The following TRHDE variants were observed in gnomAD, a reference collection of about 807,000 sequenced individuals.
TRHDE encodes the protein thyrotropin releasing hormone degrading enzyme.
TRHDE carries 72 observed loss-of-function variants against 125.7 expected under a neutral mutation model. The observed-to-expected ratio is 0.57, with a 90% CI of 0.47 to 0.70. The LOEUF is 0.70. TRHDE is among the 30% of genes least tolerant of loss of function. The probability of loss-of-function intolerance (pLI) is 0.00; values close to 1 mark genes in which losing one functional copy is unlikely to be tolerated. For synonymous variants in TRHDE, 509 were observed against 509.1 expected (o/e 1.00, Z 0.00); for missense variants, 1,110 against 1,327.1 (o/e 0.84, Z 2.54).
intron 15 of TRHDE, among the ~76,000 whole-genome samples, chr12:72,625,767 G>A (rs1033583998): frequency 2.0e-5 from 3 of 151,820 alleles, no homozygotes. Context: ...TGGTAGAGCT[G>A]GACTTCTTTA....
intron 2 of TRHDE, among the ~76,000 whole-genome samples, chr12:72,370,135 A>G (rs1400882867): frequency 2.0e-5 from 3 of 152,114 alleles, no homozygotes; most frequent in Non-Finnish European, 4.4e-5. Flanking sequence ...AGGTCACTGG[A>G]GTGAGATACT....
chr12:72,205,396 T>C (rs928109726), intron 2 of TRHDE, among the ~76,000 whole-genome samples: 1 of 152,166 alleles, frequency 6.6e-6, no homozygotes, highest in Non-Finnish European at 1.5e-5. Flanking sequence ...ACTTATTCTT[T>C]TAAAGTTTTT....
chr12:72,601,632 G>A (rs1259967778), intron 12 of TRHDE, among the ~76,000 whole-genome samples: 1 of 152,060 alleles, frequency 6.6e-6, no homozygotes, highest in African/African-American at 2.4e-5. Flanking sequence ...AATTGTCACA[G>A]GCATACCAAC....
chr12:72,300,996 C>T lies in TRHDE; in HGVS notation c.1188+14042C>T, dbSNP rs376465125. Among the ~76,000 whole-genome samples the T allele has an allele frequency of 5.9e-5, 9 of 152,270 alleles. No individual in the cohort carries two copies. The East Asian group carries it at 7.7e-4, about 13-fold the overall frequency. ...CTCTCTTACTTTCACCCACTCTTCT[C>T]TGCTGAATTCCAGGTTCAGGGGGAG... On this transcript the variant is annotated intron_variant, in intron 2 of 18. Transcript: ENST00000261180.
intron 1 of TRHDE, among the ~76,000 whole-genome samples, chr12:72,094,265 C>T (rs1007587208): frequency 6.6e-6 from 1 of 152,130 alleles, no homozygotes; most frequent in Non-Finnish European, 1.5e-5. Flanking sequence ...GTCACTGGGT[C>T]ACTAGGTGAG....
intron 2 of TRHDE, among the ~76,000 whole-genome samples, chr12:72,165,520 C>T (rs1242911214): frequency 6.6e-6 from 1 of 151,912 alleles, no homozygotes; most frequent in African/African-American, 2.4e-5. Flanking sequence ...CCAATGTCTA[C>T]CTCAGAGTAT....
chr12:72,620,364 A>G (rs2136077942), intron 13 of TRHDE, among the ~76,000 whole-genome samples: 1 of 150,620 alleles, frequency 6.6e-6, no homozygotes, highest in South Asian at 2.1e-4. Context: ...AAAAAAAAGA[A>G]ATACAAAAAT....
intron 18 of TRHDE, 120 bp downstream of exon 18, chr12:72,657,128 C>CCACA (rs3217400): frequency 3.3e-4 from 205 of 620,592 alleles, no homozygotes; most frequent in African/African-American, 1.5e-3. Context: ...CACACGCACA[C>CCACA]CACACACACA....
chr12:72,260,341 C>T (rs1878920753), intron 2 of TRHDE, among the ~76,000 whole-genome samples: 1 of 137,888 alleles, frequency 7.3e-6, no homozygotes, highest in Non-Finnish European at 1.5e-5. Flanking sequence ...ATTACTTATT[C>T]AGGAAAAATG....
chr12:72,163,795 G>A (rs1463525158), intron 2 of TRHDE, among the ~76,000 whole-genome samples: 1 of 152,156 alleles, frequency 6.6e-6, no homozygotes, highest in Non-Finnish European at 1.5e-5. Context: ...TAGTTTAATT[G>A]TCCTACAACT....
Position 72,592,037 on chromosome 12 carries a change from A to T in TRHDE, c.2321+16495A>T, listed in dbSNP as rs1007056036. 2.6e-5 allele frequency among the ~76,000 whole-genome samples: 4 copies of T among 151,892 alleles called. No homozygotes were observed. The East Asian group carries it at 7.7e-4, about 29-fold the overall frequency. ...TGCAAATTTTTTTCATTAAATTTGA[A>T]AAAAAAAGCTTGGCTTTTAATTGGT... On this transcript the variant is annotated intron_variant, in intron 12 of 18. Coordinates refer to ENST00000261180, the MANE Select transcript of TRHDE (RefSeq NM_013381.3).
chr12:72,347,911 G>A (rs2135737005), intron 2 of TRHDE, among the ~76,000 whole-genome samples: 1 of 152,088 alleles, frequency 6.6e-6, no homozygotes, highest in East Asian at 1.9e-4. Flanking sequence ...ACACTCAAAA[G>A]GAGAGGATTA....
In TRHDE at chr12:72,206,708, T is replaced by C. The variant is rs567398438; in HGVS notation, n.279+100956T>C. ...GAATTCTATTTTGTTGGGGTAATTA[T>C]TCTATTACTGTTCCAAAATGAAAAT... On this transcript the variant is annotated intron_variant and non_coding_transcript_variant, in intron 2 of 4. Transcript: ENST00000548156. Among the ~76,000 whole-genome samples, 9 of 152,288 alleles carry C rather than the reference T, an allele frequency of 5.9e-5. No individual in the cohort carries two copies. In the East Asian group the frequency reaches 1.5e-3, roughly 26 times the overall value.
intron 2 of TRHDE, among the ~76,000 whole-genome samples, chr12:72,150,524 A>C (rs926853439): frequency 6.8e-6 from 1 of 147,348 alleles, no homozygotes; most frequent in Admixed American, 6.7e-5. Context: ...CATTAGGTAT[A>C]TCTCCTAATG....
At chr12:72,263,198 TC>T (rs1371277363) in intron 2 of TRHDE, 1 of 152,080 alleles carries the variant, frequency 6.6e-6, no homozygotes, top group African/African-American at 2.4e-5. Context: ...CATAGTTCAG[TC>T]CCCATTGCCC....
chr12:72,189,818 G>A (rs148394602), intron 2 of TRHDE, among the ~76,000 whole-genome samples: 2 of 152,240 alleles, frequency 1.3e-5, no homozygotes, highest in African/African-American at 2.4e-5. Context: ...AGAAGATACT[G>A]CAGCTGGTCA....
chr12:72,639,031 C>T (rs1277435673), intron 15 of TRHDE, among the ~76,000 whole-genome samples: 2 of 150,346 alleles, frequency 1.3e-5, no homozygotes, highest in South Asian at 4.2e-4. Flanking sequence ...CTCTGTATTT[C>T]CTGAATCTGA....
At chr12:72,423,410 A>G (rs1156921729) in intron 3 of TRHDE, among the ~76,000 whole-genome samples, 11 of 152,184 alleles carry the variant, frequency 7.2e-5, no homozygotes, top group Admixed American at 7.2e-4. Flanking sequence ...TTCTTCTCTC[A>G]AGACCACCAG....
At chr12:72,478,069 G>A (rs944489190) in intron 5 of TRHDE, among the ~76,000 whole-genome samples, 1 of 152,154 alleles carries the variant, frequency 6.6e-6, no homozygotes, top group African/African-American at 2.4e-5. Context: ...ACATACCTGG[G>A]CATAAAGATA....
Sources: allele counts gnomAD v4.1 joint callset (sites outside exome capture counted in the v4.1 genomes callset), GRCh38; gene constraint gnomAD v4.1.1; transcripts MANE v1.5; gene names NCBI Gene and HGNC (gene_info 2026-07-23, HGNC 2026-07-21).